The following EDAR variants were observed in gnomAD, a reference collection of about 807,000 sequenced individuals.
EDAR encodes ectodysplasin A receptor.
A neutral mutation model predicts 51.3 loss-of-function variants in EDAR; 38 were observed. That is an observed-to-expected ratio of 0.74 (90% CI 0.57 to 0.97). EDAR has a LOEUF of 0.97. EDAR is among the 50% of genes least tolerant of loss of function. EDAR has a pLI of 0.00. For missense variants in EDAR, 528 were observed against 595.0 expected, an observed-to-expected ratio of 0.89 and a Z score of 1.17; for synonymous variants, 227 against 242.1, an observed-to-expected ratio of 0.94 and a Z score of 0.58.
chr2:108,986,205 C>T (rs1340171799), intron 1 of EDAR, among the ~76,000 whole-genome samples: 2 of 152,114 alleles, frequency 1.3e-5, no homozygotes, highest in African/African-American at 4.8e-5. Flanking sequence ...GAACCACCTA[C>T]AATGGCCTAT....
At chr2:108,937,693 ATG>A (rs1697502388) in intron 1 of EDAR, among the ~76,000 whole-genome samples, 1 of 151,342 alleles carries the variant, frequency 6.6e-6, no homozygotes, top group African/African-American at 2.4e-5. Flanking sequence ...TGTGATGTGT[ATG>A]TGTGTGAGTG....
intron 1 of EDAR, among the ~76,000 whole-genome samples, chr2:108,978,820 T>C (rs1289907245): frequency 2.0e-5 from 3 of 152,102 alleles, no homozygotes; most frequent in Non-Finnish European, 4.4e-5. Context: ...AGGGCACCAA[T>C]GAAGTTGTTA....
intron 5 of EDAR, among the ~76,000 whole-genome samples, chr2:108,916,410 G>C (rs917996175): frequency 6.6e-6 from 1 of 152,142 alleles, no homozygotes; most frequent in African/African-American, 2.4e-5. Flanking sequence ...GCAGCCTAGA[G>C]AGCACACAGA....
chr2:108,941,693 G>C (rs988040435), intron 1 of EDAR, among the ~76,000 whole-genome samples: 2 of 152,202 alleles, frequency 1.3e-5, no homozygotes, highest in African/African-American at 4.8e-5. Flanking sequence ...ACAACAACCT[G>C]ACTGCCATTA....
At chr2:108,980,300 G>A (rs902146029) in intron 1 of EDAR, among the ~76,000 whole-genome samples, 3 of 152,190 alleles carry the variant, frequency 2.0e-5, no homozygotes, top group South Asian at 4.1e-4. Context: ...GTCACATCCC[G>A]AAACCTCTGT....
intron 1 of EDAR, among the ~76,000 whole-genome samples, chr2:108,936,891 C>G (rs762626460): frequency 2.0e-5 from 3 of 152,236 alleles, no homozygotes; most frequent in African/African-American, 7.2e-5. Context: ...ACTTAGTGTC[C>G]TGCTGGCCTT....
chr2:108,976,641 T>C (rs181181265), intron 1 of EDAR, among the ~76,000 whole-genome samples: 2 of 152,280 alleles, frequency 1.3e-5, no homozygotes, highest in African/African-American at 4.8e-5. Context: ...CATCCGTCCA[T>C]TATTTATTTG....
At chr2:108,915,942 G>A (rs975998052) in intron 5 of EDAR, among the ~76,000 whole-genome samples, 10 of 152,062 alleles carry the variant, frequency 6.6e-5, no homozygotes, top group African/African-American at 2.4e-4. Flanking sequence ...AGAGCTGGTG[G>A]AGAAGTGCGT....
rs568304883 is a variant in EDAR at position 108,896,211 on chromosome 2, T to G, written c.*696A>C. ...TGTATAGAGTGAGCTCTTCCATTAT[T>G]GACTGGAAGGCCTGTAAGAATATGG... On this transcript the variant is annotated 3_prime_UTR_variant, in exon 12 of 12. Transcript: ENST00000258443. 2.0e-5 allele frequency: 3 copies of G among 152,454 alleles called. No individual in the cohort carries two copies. The highest frequency in any genetic ancestry group is 6.5e-5 in the Admixed American group (1 of 15,314). The allele number at this position is 152,454 out of a possible 1,614,324, so 9.4% of individuals were successfully genotyped here.
In EDAR at chr2:108,894,814, G is replaced by T. The variant is rs1305435011; in HGVS notation, c.*2093C>A. The T allele has an allele frequency of 6.6e-6, 1 of 152,156 alleles. No homozygotes were observed. Among genetic ancestry groups the T allele is most frequent in the East Asian group, 1.9e-4 (1 of 5,180 alleles). 9.4% of individuals were successfully genotyped at this position (152,156 alleles called of 1,614,324 possible). ...AATAGCTCCCTAAAAATGGCAGGTGGAGAGCCAATGGAACATGAGCTGACA... is the reference window on the plus strand; with the variant it reads ...AATAGCTCCCTAAAAATGGCAGGTGTAGAGCCAATGGAACATGAGCTGACA... On this transcript the variant is annotated 3_prime_UTR_variant, in exon 12 of 12. Transcript: ENST00000258443.
At chr2:108,981,747 C>G (rs149404027) in intron 1 of EDAR, among the ~76,000 whole-genome samples, 1 of 152,156 alleles carries the variant, frequency 6.6e-6, no homozygotes, top group African/African-American at 2.4e-5. Context: ...CCCATGGAAA[C>G]GACAGCAAGG....
Position 108,894,953 on chromosome 2 carries a change from C to A in EDAR, c.*1954G>T, listed in dbSNP as rs954213103. The A allele has an allele frequency of 1.3e-5, 2 of 152,176 alleles. No individual in the cohort carries two copies. The highest frequency in any genetic ancestry group is 2.9e-5 in the Non-Finnish European group (2 of 68,046). 9.4% of individuals were successfully genotyped at this position (152,176 alleles called of 1,614,324 possible). A position where few individuals can be genotyped will look rare whatever the true frequency, so the allele number is the denominator to read the frequency against. On this transcript the variant is annotated 3_prime_UTR_variant, in exon 12 of 12. Transcript: ENST00000258443. ...GAAAACATTCTGAGGAGGGTGCAAG[C>A]TGTTATCCTGGAATGGCACACTCAT...
chr2:108,906,275 C>T (rs1210263745), intron 11 of EDAR, 33 bp downstream of exon 11: 9 of 1,608,486 alleles, frequency 5.6e-6, no homozygotes, highest in Non-Finnish European at 6.8e-6. Context: ...GTGGGGTGGG[C>T]ACCACCTCTC....
At chr2:108,926,944 G>A (rs1697267710) in intron 4 of EDAR, among the ~76,000 whole-genome samples, 1 of 152,222 alleles carries the variant, frequency 6.6e-6, no homozygotes, top group Admixed American at 6.5e-5. Flanking sequence ...AGCCTCGTAA[G>A]AGGAAGTGGG....
At chr2:108,966,579 T>A (rs1324894728) in intron 1 of EDAR, among the ~76,000 whole-genome samples, 1 of 152,216 alleles carries the variant, frequency 6.6e-6, no homozygotes, top group African/African-American at 2.4e-5. Context: ...TGGACAATAG[T>A]CATCAGAGAG....
At chr2:108,930,033 A>G in intron 3 of EDAR, 87 bp downstream of exon 3, 2 of 1,487,786 alleles carry the variant, frequency 1.3e-6, no homozygotes, top group South Asian at 1.3e-5. Context: ...ATCCCCTCAC[A>G]CAGCAAGGCA....
At chr2:108,945,262 T>C (rs1697693758) in intron 1 of EDAR, among the ~76,000 whole-genome samples, 1 of 152,070 alleles carries the variant, frequency 6.6e-6, no homozygotes, top group South Asian at 2.1e-4. Flanking sequence ...TGCCACTGAG[T>C]CCAAGCATGT....
At chr2:108,936,116 G>T (rs1697464111) in intron 1 of EDAR, among the ~76,000 whole-genome samples, 1 of 152,248 alleles carries the variant, frequency 6.6e-6, no homozygotes, top group Non-Finnish European at 1.5e-5. Flanking sequence ...CTTCCACCCA[G>T]TTGGGCCCCC....
chr2:108,958,668 C>G (rs1697973430), intron 1 of EDAR, among the ~76,000 whole-genome samples: 1 of 152,224 alleles, frequency 6.6e-6, no homozygotes, highest in African/African-American at 2.4e-5. Flanking sequence ...TTAAGAAGCC[C>G]AAGTCCAGCT....
Sources: gnomAD v4.1 joint callset for allele counts (sites outside exome capture counted in the v4.1 genomes callset) on GRCh38, gnomAD v4.1.1 for gene constraint, MANE v1.5 for transcripts, NCBI Gene and HGNC (gene_info 2026-07-23, HGNC 2026-07-21) for gene names.